The following SBF2 variants were observed in gnomAD, a reference collection of about 807,000 sequenced individuals.
The protein encoded by SBF2 is myotubularin-related protein 13.
In SBF2, 112 loss-of-function variants were observed where a neutral mutation model predicts 225.2. The observed-to-expected ratio is 0.50, with a 90% confidence interval of 0.43 to 0.58. The LOEUF (loss-of-function observed/expected upper bound fraction) is 0.58, where lower values mean the gene tolerates loss of function less well. Ranked by LOEUF, SBF2 falls within the 20% of genes least tolerant of loss-of-function variation. SBF2 has a pLI of 0.00. For missense variants in SBF2, 1,996 were observed against 2,206.2 expected, an observed-to-expected ratio of 0.90 and a Z score of 1.91; for synonymous variants, 763 against 773.3, an observed-to-expected ratio of 0.99 and a Z score of 0.22.
In SBF2 at chr11:10,102,942, T is replaced by A. The variant is rs1186782108; in HGVS notation, c.142-59961A>T. Among the ~76,000 whole-genome samples, 4 of 152,172 alleles carry A rather than the reference T, an allele frequency of 2.6e-5. No homozygotes were observed. In the East Asian group the frequency reaches 7.7e-4, roughly 29 times the overall value. On this transcript the variant is annotated intron_variant, in intron 2 of 39. Transcript: ENST00000256190. ...CATTAAAGATGCACTAATAAAAACA[T>A]AAAATTTTTCTCTTTTGAAAAAGAT...
At position 9,852,752 on chromosome 11, in the gene SBF2, AG is replaced by A. The variant is rs1252682513; in HGVS notation, c.2537-4del. The A allele has an allele frequency of 4.4e-6, 7 of 1,602,696 alleles. No homozygotes were observed. The highest frequency in any genetic ancestry group is 6.0e-6 in the Non-Finnish European group (7 of 1,169,862). On this transcript the variant is annotated splice_polypyrimidine_tract_variant and splice_region_variant and intron_variant, in intron 20 of 39. Coordinates refer to ENST00000256190, the MANE Select transcript of SBF2 (RefSeq NM_030962.4). ...CTCAATGTGCATAGCTACAATTCCTAGGATGAGTCAGAGTATTCAAAATGAA... is the reference window on the plus strand; with the variant it reads ...CTCAATGTGCATAGCTACAATTCCTAGATGAGTCAGAGTATTCAAAATGAA...
intron 13 of SBF2, among the ~76,000 whole-genome samples, chr11:9,984,867 A>G (rs1947127522): frequency 6.6e-6 from 1 of 152,216 alleles, no homozygotes. Context: ...GTCATTTTTC[A>G]GACAAACAAA....
At chr11:9,864,922 T>A (rs1204082564) in intron 17 of SBF2, among the ~76,000 whole-genome samples, 2 of 152,084 alleles carry the variant, frequency 1.3e-5, no homozygotes, top group Non-Finnish European at 1.5e-5. Flanking sequence ...TATTTATTTT[T>A]TTTTTTGAGA....
chr11:10,090,315 T>C (rs1431346464), intron 2 of SBF2, among the ~76,000 whole-genome samples: 24 of 152,102 alleles, frequency 1.6e-4, no homozygotes, highest in Admixed American at 1.6e-3. Flanking sequence ...CACTTTAAAA[T>C]GGTTAAAAAG....
At chr11:9,811,539 C>A (rs949105154) in intron 30 of SBF2, among the ~76,000 whole-genome samples, 1 of 152,088 alleles carries the variant, frequency 6.6e-6, no homozygotes, top group African/African-American at 2.4e-5. Flanking sequence ...GGGCTCATAG[C>A]CTGGGGACAG....
chr11:10,089,629 C>T (rs1162339286), intron 2 of SBF2, among the ~76,000 whole-genome samples: 1 of 151,824 alleles, frequency 6.6e-6, no homozygotes, highest in Non-Finnish European at 1.5e-5. Context: ...TAGTTACATA[C>T]CAAAAAAACT....
intron 16 of SBF2, among the ~76,000 whole-genome samples, chr11:9,914,089 C>T (rs1006471476): frequency 1.3e-5 from 2 of 152,144 alleles, no homozygotes; most frequent in Middle Eastern, 3.2e-3. Context: ...AAAACATAGA[C>T]TGAAGAGACA....
chr11:9,861,564 T>C (rs1351757335), intron 17 of SBF2, among the ~76,000 whole-genome samples: 1 of 149,710 alleles, frequency 6.7e-6, no homozygotes, highest in Non-Finnish European at 1.5e-5. Flanking sequence ...CTTGGGAGAC[T>C]GAGGCAGGAG....
chr11:9,803,212 CTT>C (rs781771139), intron 32 of SBF2, among the ~76,000 whole-genome samples: 39 of 54,964 alleles, frequency 7.1e-4, no homozygotes, highest in Admixed American at 2.3e-3. Context: ...AATTTTAACT[CTT>C]TACTTGAAAA....
chr11:10,071,776 C>T (rs1950891528), intron 2 of SBF2, among the ~76,000 whole-genome samples: 1 of 152,082 alleles, frequency 6.6e-6, no homozygotes, highest in Admixed American at 6.6e-5. Context: ...CTCACTGGGT[C>T]TGTTTATGTT....
At chr11:10,064,537 T>C (rs1042624741) in intron 2 of SBF2, among the ~76,000 whole-genome samples, 1 of 152,100 alleles carries the variant, frequency 6.6e-6, no homozygotes, top group East Asian at 1.9e-4. Context: ...ACATACTGTG[T>C]ACAAGAAACA....
intron 1 of SBF2, among the ~76,000 whole-genome samples, chr11:10,255,308 T>C (rs1209193924): frequency 6.6e-6 from 1 of 152,236 alleles, no homozygotes; most frequent in African/African-American, 2.4e-5. Flanking sequence ...TCTCAATGTA[T>C]ACATATTTCA....
At chr11:10,120,183 G>A (rs1443149598) in intron 2 of SBF2, among the ~76,000 whole-genome samples, 1 of 152,160 alleles carries the variant, frequency 6.6e-6, no homozygotes, top group African/African-American at 2.4e-5. Context: ...AAATTATTAA[G>A]TATGTGTCTT....
chr11:10,073,469 T>C (rs1049032777), intron 2 of SBF2, among the ~76,000 whole-genome samples: 1 of 152,102 alleles, frequency 6.6e-6, no homozygotes, highest in Non-Finnish European at 1.5e-5. Context: ...TCTCAGCACT[T>C]TGGAAGGGCC....
chr11:10,027,819 G>A (rs562512210), intron 6 of SBF2, among the ~76,000 whole-genome samples: 1 of 152,298 alleles, frequency 6.6e-6, no homozygotes, highest in South Asian at 2.1e-4. Context: ...TCCTCAGATA[G>A]ATGGTGGGAT....
At chr11:9,870,514 C>T (rs547843708) in intron 17 of SBF2, among the ~76,000 whole-genome samples, 1 of 152,252 alleles carries the variant, frequency 6.6e-6, no homozygotes, top group East Asian at 1.9e-4. Flanking sequence ...AATATGTAGA[C>T]CAGTGGACCA....
At chr11:9,999,988 A>G (rs1947887668) in intron 8 of SBF2, among the ~76,000 whole-genome samples, 1 of 152,250 alleles carries the variant, frequency 6.6e-6, no homozygotes, top group Non-Finnish European at 1.5e-5. Flanking sequence ...TTTACAGTGA[A>G]GAATTTTTCT....
At chr11:9,930,253 C>T (rs1206351340) in intron 16 of SBF2, among the ~76,000 whole-genome samples, 3 of 152,046 alleles carry the variant, frequency 2.0e-5, no homozygotes, top group Non-Finnish European at 4.4e-5. Flanking sequence ...TTTTTACCAA[C>T]CTAATATTTA....
chr11:10,106,498 G>A (rs1230571106), intron 2 of SBF2, among the ~76,000 whole-genome samples: 4 of 152,086 alleles, frequency 2.6e-5, no homozygotes, highest in Admixed American at 1.3e-4. Flanking sequence ...ACGTGGTGGC[G>A]TGCACCTGTA....
Sources: gnomAD v4.1 joint callset for allele counts (sites outside exome capture counted in the v4.1 genomes callset) on GRCh38, gnomAD v4.1.1 for gene constraint, MANE v1.5 for transcripts, NCBI Gene and HGNC (gene_info 2026-07-23, HGNC 2026-07-21) for gene names.